STXBP5: variants seen among roughly 807,000 people sequenced by gnomAD.
The protein encoded by STXBP5 is syntaxin binding protein 5, also known as syntaxin-binding protein 5.
Under a neutral mutation model 152.4 loss-of-function variants are expected in STXBP5, and 50 were observed. That is an observed-to-expected ratio of 0.33 (90% CI 0.26 to 0.42). STXBP5 has a LOEUF of 0.42. STXBP5 is among the 10% of genes least tolerant of loss of function. STXBP5 has a pLI of 1.00. For synonymous variants in STXBP5, 492 were observed against 494.7 expected (o/e 0.99, Z 0.07); for missense variants, 1,167 against 1,388.6 (o/e 0.84, Z 2.54).
chr6:147,328,588 A>T, intron 18 of STXBP5: 1 of 328,872 alleles, frequency 3.0e-6, no homozygotes, highest in Non-Finnish European at 6.2e-6. Flanking sequence ...ATTTTTTTTT[A>T]ATGTGATCAT....
intron 2 of STXBP5, among the ~76,000 whole-genome samples, chr6:147,224,623 C>G (rs1777619579): frequency 6.6e-6 from 1 of 152,050 alleles, no homozygotes; most frequent in Non-Finnish European, 1.5e-5. Flanking sequence ...TCCTGGTAAC[C>G]TGCTACTTAC....
rs979284373 is a variant in STXBP5, at chr6:147,216,506, A to G, written c.248+10438A>G. 4.6e-5 allele frequency among the ~76,000 whole-genome samples: 7 copies of G among 152,306 alleles called. No individual in the cohort carries two copies. In the South Asian group the frequency reaches 6.2e-4, roughly 14 times the overall value. ...ATGCCTCTTGTTGGAAAGAACATATATGGTAATTTCATTGGAAACTGAAAT... is the reference window on the plus strand; with the variant it reads ...ATGCCTCTTGTTGGAAAGAACATATGTGGTAATTTCATTGGAAACTGAAAT... On this transcript the variant is annotated intron_variant, in intron 2 of 27. Coordinates refer to ENST00000321680, the MANE Select transcript of STXBP5 (RefSeq NM_001127715.4).
chr6:147,205,872 C>G, intron 1 of STXBP5, 99 bp from the exon 2 acceptor site: 1 of 804,726 alleles, frequency 1.2e-6, no homozygotes, highest in Non-Finnish European at 2.1e-6. Context: ...TGTTTTGCAT[C>G]AGTGGTAGTG....
chr6:147,376,496 C>T (rs1554221627), intron 26 of STXBP5, among the ~76,000 whole-genome samples: 1 of 151,938 alleles, frequency 6.6e-6, no homozygotes, highest in Non-Finnish European at 1.5e-5. Context: ...AATGTTTCAG[C>T]TAAAAGACAA....
At chr6:147,329,575 G>A (rs1450580729) in intron 18 of STXBP5, among the ~76,000 whole-genome samples, 2 of 115,590 alleles carry the variant, frequency 1.7e-5, no homozygotes, top group Non-Finnish European at 3.5e-5. Context: ...TTTATAACAT[G>A]TTCTTAGGTG....
chr6:147,257,346 G>A (rs150162252), intron 4 of STXBP5, among the ~76,000 whole-genome samples: 3 of 151,586 alleles, frequency 2.0e-5, no homozygotes, highest in African/African-American at 7.3e-5. Flanking sequence ...TTAATATGCT[G>A]TTCTTATAAT....
chr6:147,289,940 C>A (rs1370158948), intron 8 of STXBP5, among the ~76,000 whole-genome samples: 1 of 152,208 alleles, frequency 6.6e-6, no homozygotes, highest in East Asian at 1.9e-4. Flanking sequence ...GTGGCTCATG[C>A]CTGTAATCCC....
At chr6:147,290,806 A>C (rs371681531) in intron 8 of STXBP5, among the ~76,000 whole-genome samples, 2 of 152,216 alleles carry the variant, frequency 1.3e-5, no homozygotes, top group East Asian at 1.9e-4. Context: ...GCTTATCTGC[A>C]ATTAAGAACA....
At chr6:147,272,165 G>A (rs1780202663) in intron 7 of STXBP5, among the ~76,000 whole-genome samples, 5 of 152,128 alleles carry the variant, frequency 3.3e-5, no homozygotes, top group Admixed American at 3.3e-4. Context: ...CAGAAAGCTT[G>A]CTGGTGAATT....
intron 2 of STXBP5, among the ~76,000 whole-genome samples, chr6:147,218,338 G>T (rs1359972268): frequency 1.3e-5 from 2 of 152,074 alleles, no homozygotes; most frequent in Non-Finnish European, 2.9e-5. Flanking sequence ...TCTTCGTGTA[G>T]ATCTTGTACA....
intron 7 of STXBP5, among the ~76,000 whole-genome samples, chr6:147,267,780 A>C (rs1240663083): frequency 3.9e-5 from 6 of 152,056 alleles, no homozygotes; most frequent in Non-Finnish European, 8.8e-5. Context: ...TGGCAAGACT[A>C]CTTCATAGAT....
chr6:147,291,199 T>A (rs1781258860), intron 9 of STXBP5, 27 bp downstream of exon 9: 1 of 1,582,506 alleles, frequency 6.3e-7, no homozygotes, highest in African/African-American at 1.3e-5. Context: ...TTGCCAATGT[T>A]CATTGTATAT....
intron 4 of STXBP5, among the ~76,000 whole-genome samples, chr6:147,250,341 C>G (rs1264704574): frequency 6.6e-6 from 1 of 152,044 alleles, no homozygotes; most frequent in Non-Finnish European, 1.5e-5. Flanking sequence ...TACAGTCAGC[C>G]TTTCATATCT....
At chr6:147,282,370 A>G (rs953750094) in intron 8 of STXBP5, among the ~76,000 whole-genome samples, 1 of 152,198 alleles carries the variant, frequency 6.6e-6, no homozygotes, top group Non-Finnish European at 1.5e-5. Context: ...CACTTTTATG[A>G]GTCTCAAACA....
At chr6:147,286,404 A>G (rs1462937048) in intron 8 of STXBP5, among the ~76,000 whole-genome samples, 1 of 152,166 alleles carries the variant, frequency 6.6e-6, no homozygotes, top group Non-Finnish European at 1.5e-5. Context: ...AATATGGGTG[A>G]TATTTCATAC....
chr6:147,233,891 C>T (rs1358942873), intron 2 of STXBP5, among the ~76,000 whole-genome samples: 1 of 149,636 alleles, frequency 6.7e-6, no homozygotes, highest in Admixed American at 6.7e-5. Context: ...ACTACTACTA[C>T]TATTACTACT....
At chr6:147,267,551 T>C (rs1779953156) in intron 7 of STXBP5, among the ~76,000 whole-genome samples, 1 of 152,198 alleles carries the variant, frequency 6.6e-6, no homozygotes, top group Admixed American at 6.5e-5. Context: ...ATAAGTCTTT[T>C]CTCTCCTTTT....
intron 3 of STXBP5, 112 bp from the exon 4 acceptor site, chr6:147,239,058 T>G (rs1778411528): frequency 2.3e-6 from 2 of 885,254 alleles, no homozygotes; most frequent in Admixed American, 2.8e-5. Flanking sequence ...GATCTAAATC[T>G]GTTGGCAGAA....
At chr6:147,382,418 C>A (rs957589433) in intron 26 of STXBP5, among the ~76,000 whole-genome samples, 3 of 151,966 alleles carry the variant, frequency 2.0e-5, no homozygotes, top group Admixed American at 2.0e-4. Flanking sequence ...TCTGTATATT[C>A]GAAGCTAAAT....
Sources: allele counts gnomAD v4.1 joint callset (sites outside exome capture counted in the v4.1 genomes callset), GRCh38; gene constraint gnomAD v4.1.1; transcripts MANE v1.5; gene names NCBI Gene and HGNC (gene_info 2026-07-23, HGNC 2026-07-21).